CACNA2D3: variants seen among roughly 807,000 people sequenced by gnomAD.
CACNA2D3 encodes calcium voltage-gated channel auxiliary subunit alpha2delta 3, also known as voltage-dependent calcium channel subunit alpha-2/delta-3.
Under a neutral mutation model 160.6 loss-of-function variants are expected in CACNA2D3, and 60 were observed. The ratio of observed to expected loss-of-function variants is 0.37; its 90% CI spans 0.30 to 0.46. The LOEUF (loss-of-function observed/expected upper bound fraction) is 0.46, where lower values mean the gene tolerates loss of function less well. CACNA2D3 is among the 20% of genes least tolerant of loss of function. The pLI, the probability that CACNA2D3 is intolerant of heterozygous loss-of-function variation, is 1.00. For synonymous variants in CACNA2D3, 558 were observed against 492.9 expected (o/e 1.13, Z -1.75); for missense variants, 1,205 against 1,365.0 (o/e 0.88, Z 1.85).
chr3:54,473,202 A>G (rs559633559), intron 4 of CACNA2D3, among the ~76,000 whole-genome samples: 6 of 152,322 alleles, frequency 3.9e-5, no homozygotes, highest in African/African-American at 9.6e-5. Flanking sequence ...CCAATGAAAC[A>G]GAACAGAGGC....
intron 5 of CACNA2D3, among the ~76,000 whole-genome samples, chr3:54,532,080 C>T (rs1055792915): frequency 6.6e-5 from 10 of 152,152 alleles, no homozygotes; most frequent in Non-Finnish European, 1.3e-4. Flanking sequence ...GGATGCCCTG[C>T]CCATTTTCTT....
At chr3:54,248,552 A>G (rs968133750) in intron 2 of CACNA2D3, among the ~76,000 whole-genome samples, 1 of 152,034 alleles carries the variant, frequency 6.6e-6, no homozygotes, top group African/African-American at 2.4e-5. Context: ...AGTAGGACCG[A>G]TGTCCTTATA....
intron 13 of CACNA2D3, among the ~76,000 whole-genome samples, chr3:54,803,173 G>A (rs993691739): frequency 1.1e-4 from 16 of 152,192 alleles, no homozygotes; most frequent in African/African-American, 3.1e-4. Context: ...CCAAAAGAAC[G>A]CAGTTCCTCA....
chr3:54,380,390 A>G (rs1699080840), intron 3 of CACNA2D3, among the ~76,000 whole-genome samples: 2 of 152,224 alleles, frequency 1.3e-5, no homozygotes. Context: ...CTAGGATCGC[A>G]TTAGTCCCAG....
chr3:54,918,825 G>A, intron 27 of CACNA2D3: 1 of 1,600,874 alleles, frequency 6.2e-7, no homozygotes, highest in East Asian at 2.2e-5. Context: ...GCTCATGAGG[G>A]ATCCTAAGGA....
At chr3:54,624,438 C>T (rs1333289064) in intron 9 of CACNA2D3, among the ~76,000 whole-genome samples, 1 of 152,040 alleles carries the variant, frequency 6.6e-6, no homozygotes, top group Non-Finnish European at 1.5e-5. Context: ...CTGGCTAACA[C>T]GGTGAAACCC....
chr3:54,763,845 G>GTACATATATA (rs1407736953), intron 12 of CACNA2D3, among the ~76,000 whole-genome samples: 2 of 51,948 alleles, frequency 3.9e-5, no homozygotes, highest in Non-Finnish European at 8.1e-5. Flanking sequence ...GTATATATAT[G>GTACATATATA]TACATATATA....
intron 4 of CACNA2D3, among the ~76,000 whole-genome samples, chr3:54,467,555 GA>G (rs1700650887): frequency 6.6e-6 from 1 of 152,186 alleles, no homozygotes; most frequent in South Asian, 2.1e-4. Context: ...CTGCAAAATG[GA>G]GATAATATCT....
chr3:54,684,192 C>T (rs958970655), intron 11 of CACNA2D3, among the ~76,000 whole-genome samples: 1 of 152,002 alleles, frequency 6.6e-6, no homozygotes, highest in East Asian at 1.9e-4. Context: ...AACTCCTGAC[C>T]CATGTAATCT....
At chr3:54,223,107 T>G (rs1331078711) in intron 2 of CACNA2D3, among the ~76,000 whole-genome samples, 1 of 152,200 alleles carries the variant, frequency 6.6e-6, no homozygotes, top group Admixed American at 6.5e-5. Context: ...ACCCTAGATA[T>G]TACAAAGTGC....
In CACNA2D3 at chr3:54,833,185, G is replaced by T. The variant is rs188796226; in HGVS notation, c.1399-3974G>T. On this transcript the variant is annotated intron_variant, in intron 14 of 37. Coordinates refer to ENST00000474759, the MANE Select transcript of CACNA2D3 (RefSeq NM_018398.3). ...CATCATTTCCTTTGATACCCAAATG[G>T]TCCCCATTATGTAGCATGGGAAATG... 7.2e-5 allele frequency among the ~76,000 whole-genome samples: 11 copies of T among 152,248 alleles called. No homozygotes were observed. In the East Asian group the frequency reaches 1.7e-3, roughly 24 times the overall value.
At chr3:55,023,928 T>C (rs753805866) in intron 35 of CACNA2D3, among the ~76,000 whole-genome samples, 1 of 149,180 alleles carries the variant, frequency 6.7e-6, no homozygotes, top group Non-Finnish European at 1.5e-5. Flanking sequence ...ACAAGTTAGC[T>C]TTAAGTGTCT....
At chr3:54,941,816 A>G (rs1701474355) in intron 27 of CACNA2D3, among the ~76,000 whole-genome samples, 1 of 152,074 alleles carries the variant, frequency 6.6e-6, no homozygotes, top group Non-Finnish European at 1.5e-5. Flanking sequence ...GTCTGGGGAG[A>G]GGCTTCAGGG....
chr3:54,128,496 G>A (rs560753209), intron 2 of CACNA2D3, among the ~76,000 whole-genome samples: 1 of 152,246 alleles, frequency 6.6e-6, no homozygotes, highest in African/African-American at 2.4e-5. Context: ...CCATGGTTTG[G>A]TGTGTTGGGC....
chr3:54,472,454 A>C (rs1375256397), intron 4 of CACNA2D3, among the ~76,000 whole-genome samples: 1 of 152,228 alleles, frequency 6.6e-6, no homozygotes. Context: ...GAATGGGCAA[A>C]AACTGGAAGC....
chr3:54,863,446 T>C (rs140015508), intron 17 of CACNA2D3, among the ~76,000 whole-genome samples: 7 of 152,290 alleles, frequency 4.6e-5, no homozygotes, highest in African/African-American at 1.4e-4. Context: ...CTCTGTCCCA[T>C]TGCCGGCACG....
At chr3:54,434,837 G>A (rs1218433130) in intron 4 of CACNA2D3, among the ~76,000 whole-genome samples, 1 of 152,158 alleles carries the variant, frequency 6.6e-6, no homozygotes, top group Non-Finnish European at 1.5e-5. Flanking sequence ...GTAAGGGTAA[G>A]CTTCGTTTTA....
chr3:54,665,709 T>C (rs1700053741), intron 11 of CACNA2D3, among the ~76,000 whole-genome samples: 1 of 151,770 alleles, frequency 6.6e-6, no homozygotes, highest in Non-Finnish European at 1.5e-5. Context: ...TGGCCCCAAA[T>C]TTTATGAACT....
chr3:54,223,431 G>A (rs181310586), intron 2 of CACNA2D3, among the ~76,000 whole-genome samples: 283 of 152,338 alleles, frequency 1.9e-3, no homozygotes, highest in Non-Finnish European at 3.0e-3. Context: ...TGGTACACCT[G>A]TATAGGAAAA....
Sources: allele counts gnomAD v4.1 joint callset (sites outside exome capture counted in the v4.1 genomes callset), GRCh38; gene constraint gnomAD v4.1.1; transcripts MANE v1.5; gene names NCBI Gene and HGNC (gene_info 2026-07-23, HGNC 2026-07-21).